KAT7: variants seen among roughly 807,000 people sequenced by gnomAD.
KAT7 encodes the protein histone acetyltransferase KAT7.
A neutral mutation model predicts 82.1 loss-of-function variants in KAT7; 10 were observed. The observed-to-expected ratio is 0.12, with a 90% CI of 0.08 to 0.21. The LOEUF is 0.21. KAT7 is among the 10% of genes least tolerant of loss of function. The pLI is 1.00. For missense variants in KAT7, 378 were observed against 760.9 expected (o/e 0.50, Z 5.92); for synonymous variants, 250 against 262.5 (o/e 0.95, Z 0.46).
At chr17:49,788,981 C>T (rs560537349) in intron 1 of KAT7, 132 bp downstream of exon 1, 338 of 827,650 alleles carry the variant, frequency 4.1e-4, no homozygotes, top group Admixed American at 2.1e-4. Context: ...GCTACCCTCT[C>T]TTCTGTCCAT....
chr17:49,823,797 G>A (rs987483858), intron 12 of KAT7, among the ~76,000 whole-genome samples: 1 of 152,200 alleles, frequency 6.6e-6, no homozygotes, highest in Non-Finnish European at 1.5e-5. Flanking sequence ...AACATGCACA[G>A]AGCAGCAAAA....
intron 5 of KAT7, among the ~76,000 whole-genome samples, chr17:49,805,883 T>C (rs922118828): frequency 2.0e-5 from 3 of 152,252 alleles, no homozygotes; most frequent in African/African-American, 7.2e-5. Context: ...TTTCTGTCCA[T>C]TTCTGTGAAA....
intron 5 of KAT7, among the ~76,000 whole-genome samples, chr17:49,806,869 C>A (rs1025210987): frequency 4.6e-5 from 7 of 152,134 alleles, no homozygotes; most frequent in Non-Finnish European, 8.8e-5. Flanking sequence ...CAGAATAATC[C>A]ATCTTTACTA....
intron 4 of KAT7, among the ~76,000 whole-genome samples, chr17:49,801,890 C>A (rs911811625): frequency 1.6e-4 from 24 of 152,164 alleles, no homozygotes; most frequent in African/African-American, 5.8e-4. Context: ...GTAAAAATTG[C>A]CCTTAACTCA....
chr17:49,794,431 G>A (rs1686665308), intron 2 of KAT7, among the ~76,000 whole-genome samples: 1 of 152,178 alleles, frequency 6.6e-6, no homozygotes, highest in African/African-American at 2.4e-5. Context: ...GATTACAGGC[G>A]AGCACCACCA....
intron 11 of KAT7, among the ~76,000 whole-genome samples, chr17:49,822,458 T>C (rs923364426): frequency 7.9e-5 from 12 of 152,180 alleles, no homozygotes; most frequent in African/African-American, 2.7e-4. Flanking sequence ...CTCGAACTCC[T>C]GACCTCAAGT....
chr17:49,809,118 G>T lies in KAT7; in HGVS notation c.664-1G>T. The stretch of plus-strand genomic sequence containing the variant: ...TTTATTGACGTTGTTGATGGTTGCA[G>T]GTGAGAGCACAGAGCCGGGATAAGC... On this transcript the variant is annotated splice_acceptor_variant, in intron 5 of 14. Coordinates refer to ENST00000259021, the MANE Select transcript of KAT7 (RefSeq NM_007067.5). LOFTEE classifies it high-confidence loss of function. 1 of 1,613,624 alleles carries T rather than the reference G, an allele frequency of 6.2e-7. No individual in the cohort carries two copies. The highest frequency in any genetic ancestry group is 1.3e-5 in the African/African-American group (1 of 75,034).
chr17:49,788,949 C>T, intron 1 of KAT7, 100 bp downstream of exon 1: 1 of 1,147,040 alleles, frequency 8.7e-7, no homozygotes, highest in Non-Finnish European at 1.2e-6. Flanking sequence ...TCCCAACTTT[C>T]CGCTCCCCCG....
At chr17:49,805,774 G>C (rs2074084091) in intron 5 of KAT7, among the ~76,000 whole-genome samples, 1 of 152,160 alleles carries the variant, frequency 6.6e-6, no homozygotes, top group African/African-American at 2.4e-5. Context: ...GGAATAACTT[G>C]CATAAATATG....
At chr17:49,805,917 A>G (rs912334871) in intron 5 of KAT7, among the ~76,000 whole-genome samples, 1 of 152,162 alleles carries the variant, frequency 6.6e-6, no homozygotes, top group African/African-American at 2.4e-5. Context: ...TCTCAGTCAC[A>G]CCTACTTTTG....
Position 49,834,866 on chromosome 17 carries a change from T to C in KAT7, c.*7364T>C, listed in dbSNP as rs1267238871. ...TCCCTACAAAAAAATTAGTTGGGCA[T>C]GGTGGTGTGCACCCGTAGTGCCAGC... On this transcript the variant is annotated 3_prime_UTR_variant, in exon 15 of 15. Transcript: ENST00000259021. 1 of 152,006 alleles carries C rather than the reference T, an allele frequency of 6.6e-6. No individual in the cohort carries two copies. Among genetic ancestry groups the C allele is most frequent in the Non-Finnish European group, 1.5e-5 (1 of 68,056 alleles). 9.4% of individuals were successfully genotyped at this position (152,006 alleles called of 1,614,324 possible). A position where few individuals can be genotyped will look rare whatever the true frequency, so the allele number is the denominator to read the frequency against.
At chr17:49,800,874 T>C (rs569317091) in intron 4 of KAT7, among the ~76,000 whole-genome samples, 1 of 152,268 alleles carries the variant, frequency 6.6e-6, no homozygotes, top group Admixed American at 6.5e-5. Context: ...ATGTGACATA[T>C]ATATGTAGTT....
intron 9 of KAT7, among the ~76,000 whole-genome samples, 192 bp downstream of exon 9, chr17:49,818,203 C>T (rs557188497): frequency 1.3e-5 from 2 of 152,250 alleles, no homozygotes; most frequent in African/African-American, 2.4e-5. Context: ...GTGCTGGGTG[C>T]CACCCAAAGC....
At chr17:49,792,626 A>G (rs2073904824) in intron 2 of KAT7, among the ~76,000 whole-genome samples, 1 of 152,156 alleles carries the variant, frequency 6.6e-6, no homozygotes, top group Non-Finnish European at 1.5e-5. Flanking sequence ...CCATTTGATC[A>G]TGAGGGTAAA....
chr17:49,811,396 T>A, intron 6 of KAT7, 80 bp from the exon 7 acceptor site: 1 of 659,090 alleles, frequency 1.5e-6, no homozygotes, highest in Non-Finnish European at 2.5e-6. Context: ...CGTGAGCTAC[T>A]GTGCCGGGCC....
chr17:49,798,247 A>G (rs1182652655), intron 3 of KAT7, 72 bp from the exon 4 acceptor site: 4 of 1,462,576 alleles, frequency 2.7e-6, no homozygotes, highest in Non-Finnish European at 3.7e-6. Flanking sequence ...TGGGAAGCCC[A>G]TAAACTCTGA....
chr17:49,805,462 T>G lies in KAT7; in HGVS notation c.663+17T>G. On this transcript the variant is annotated intron_variant, in intron 5 of 14. Transcript: ENST00000259021. ...GAATGCAAGGTAATTGTGCTCTCAT[T>G]TATTCAACACATGCTTATTGAGTGC... The G allele has an allele frequency of 6.4e-7, 1 of 1,574,072 alleles. No individual in the cohort carries two copies. The highest frequency in any genetic ancestry group is 2.2e-5 in the East Asian group (1 of 44,634).
chr17:49,800,392 A>G (rs1478655330), intron 4 of KAT7, among the ~76,000 whole-genome samples: 1 of 152,186 alleles, frequency 6.6e-6, no homozygotes, highest in Non-Finnish European at 1.5e-5. Flanking sequence ...ACTCCATACC[A>G]GTTGTCACTC....
chr17:49,812,977 A>G lies in KAT7; in HGVS notation c.852+1403A>G, dbSNP rs1174766728. On this transcript the variant is annotated intron_variant, in intron 7 of 14. Transcript: ENST00000259021. ...CGGCCTCCCGAAGTGCTGGGATTAT[A>G]GGCATGAGCCACTGCACCCAGCCTT... Among the ~76,000 whole-genome samples, 4 of 142,968 alleles carry G rather than the reference A, an allele frequency of 2.8e-5. No homozygotes were observed. The Admixed American group carries it at 2.8e-4, about 10-fold the overall frequency. The allele number at this position is 142,968 out of a possible 152,430, so 93.8% of individuals were successfully genotyped here. A position where few individuals can be genotyped will look rare whatever the true frequency, so the allele number is the denominator to read the frequency against.
Sources: allele counts gnomAD v4.1 joint callset (sites outside exome capture counted in the v4.1 genomes callset), GRCh38; gene constraint gnomAD v4.1.1; transcripts MANE v1.5; gene names NCBI Gene and HGNC (gene_info 2026-07-23, HGNC 2026-07-21).